Variants in FAM120A observed in about 807,000 individuals in gnomAD.
FAM120A encodes constitutive coactivator of PPAR-gamma-like protein 1.
A neutral mutation model predicts 109.7 loss-of-function variants in FAM120A; 15 were observed. The observed-to-expected ratio is 0.14, with a 90% CI of 0.09 to 0.21. The LOEUF (loss-of-function observed/expected upper bound fraction) is 0.21. Ranked by LOEUF, FAM120A falls within the 10% of genes least tolerant of loss-of-function variation. The pLI is 1.00. For missense variants in FAM120A, 899 were observed against 1,439.3 expected (o/e 0.62, Z 6.07); for synonymous variants, 493 against 572.8 (o/e 0.86, Z 1.99).
At chr9:93,524,867 G>A (rs2131446325) in intron 7 of FAM120A, among the ~76,000 whole-genome samples, 1 of 152,276 alleles carries the variant, frequency 6.6e-6, no homozygotes, top group African/African-American at 2.4e-5. Context: ...TGTGGCCGGT[G>A]CCTGTCTCAG....
At chr9:93,455,536 T>C (rs1857513710) in intron 1 of FAM120A, among the ~76,000 whole-genome samples, 1 of 152,214 alleles carries the variant, frequency 6.6e-6, no homozygotes, top group Non-Finnish European at 1.5e-5. Flanking sequence ...GGAATTGACA[T>C]GAACAATTCA....
Position 93,543,279 on chromosome 9 carries a change from C to T in FAM120A, c.1967C>T (p.Pro656Leu), listed in dbSNP as rs1588899663. 6 of 1,614,180 alleles carry T rather than the reference C, an allele frequency of 3.7e-6. No individual in the cohort carries two copies. The highest frequency in any genetic ancestry group is 1.1e-5 in the South Asian group (1 of 91,078). ...TACAAAGGAAAGTCTCCTCAAACCC[C>T]GGAACTGGTTGAAGCTCTTGCCTTC... ...AAYKGKSPQTPELVEALAFRE... is the reference protein window; with the variant it reads ...AAYKGKSPQTLELVEALAFRE... The change falls in exon 11 of 18, where the codon CCG (proline) becomes CTG (leucine). Residue 656 changes from proline (P) to leucine (L), a missense_variant. Coordinates refer to ENST00000277165, the MANE Select transcript of FAM120A (RefSeq NM_014612.5).
At chr9:93,554,481 T>C (rs1862222968) in intron 12 of FAM120A, among the ~76,000 whole-genome samples, 1 of 152,094 alleles carries the variant, frequency 6.6e-6, no homozygotes, top group Admixed American at 6.5e-5. Flanking sequence ...GAGACCAGCC[T>C]GGCCAACATG....
chr9:93,558,443 A>G lies in FAM120A; in HGVS notation c.2669-138A>G. 12 of 1,061,580 alleles carry G rather than the reference A, an allele frequency of 1.1e-5. 1 individual carries two copies. In the South Asian group the frequency reaches 1.9e-4, roughly 16 times the overall value. The allele number at this position is 1,061,580 out of a possible 1,614,324, so 65.8% of individuals were successfully genotyped here. On this transcript the variant is annotated intron_variant, in intron 14 of 17. Coordinates refer to ENST00000277165, the MANE Select transcript of FAM120A (RefSeq NM_014612.5). ...TCCCCAGGGACCATGGGCACAGGAC[A>G]GTGAGGTGACAAGAGGGGCCAGGAG... is the stretch of plus-strand genomic sequence containing the variant.
chr9:93,477,406 A>G (rs928963132), intron 3 of FAM120A, among the ~76,000 whole-genome samples: 10 of 152,108 alleles, frequency 6.6e-5, no homozygotes, highest in Admixed American at 6.5e-4. Context: ...GGGGTTTGGT[A>G]TGGACTGTTT....
In FAM120A at chr9:93,557,880, C is replaced by G; in HGVS notation, c.2538C>G (p.Leu846=). 6.2e-7 allele frequency: 1 copy of G among 1,613,608 alleles called. No individual in the cohort carries two copies. Among genetic ancestry groups the G allele is most frequent in the Non-Finnish European group, 8.5e-7 (1 of 1,180,042 alleles). Residue 846 remains leucine, a synonymous_variant, in exon 14 of 18, where the codon CTC becomes CTG. Coordinates refer to ENST00000277165, the MANE Select transcript of FAM120A (RefSeq NM_014612.5). ...TGCGCCAGAGCGTCCTCGAGGGGCT[C>G]AGCTTCTCCAGGCAGAGCCACACGC... ...EKMRQSVLEG[L]SFSRQSHTLP...
In FAM120A at chr9:93,478,561, C is replaced by T. The variant is rs550565087; in HGVS notation, c.804+2223C>T. ...GTGAGATCTCGGCTCACTGCAACCTCTGCCTCCAGGGTTCAAGTGATTCTC... is the reference window on the plus strand; with the variant it reads ...GTGAGATCTCGGCTCACTGCAACCTTTGCCTCCAGGGTTCAAGTGATTCTC... On this transcript the variant is annotated intron_variant, in intron 3 of 17. Coordinates refer to ENST00000277165, the MANE Select transcript of FAM120A (RefSeq NM_014612.5). Among the ~76,000 whole-genome samples the T allele has an allele frequency of 2.0e-5, 3 of 151,638 alleles. No individual in the cohort carries two copies. In the East Asian group the frequency reaches 5.8e-4, roughly 29 times the overall value.
intron 15 of FAM120A, 122 bp downstream of exon 15, chr9:93,558,840 C>A: frequency 8.7e-7 from 1 of 1,155,372 alleles, no homozygotes; most frequent in Non-Finnish European, 1.2e-6. Flanking sequence ...GGCCTTTCTT[C>A]TGGGTCCCCG....
intron 7 of FAM120A, among the ~76,000 whole-genome samples, chr9:93,517,295 T>C (rs930447212): frequency 6.6e-6 from 1 of 152,238 alleles, no homozygotes; most frequent in Admixed American, 6.5e-5. Flanking sequence ...TTATTTGCTG[T>C]ATATGCAATG....
rs1409338699 is a variant in FAM120A, at chr9:93,565,086, AG to A, written c.*547del. The A allele has an allele frequency of 6.6e-6, 1 of 152,588 alleles. No individual in the cohort carries two copies. The highest frequency in any genetic ancestry group is 2.4e-5 in the African/African-American group (1 of 41,422). The allele number at this position is 152,588 out of a possible 1,614,324, so 9.5% of individuals were successfully genotyped here. On this transcript the variant is annotated 3_prime_UTR_variant, in exon 18 of 18. Transcript: ENST00000277165. ...TGGTTCTTTTGTGTTAAAAAAAAAA[AG>A]TGCAACTATCAAAACTAAAAAATTA...
chr9:93,520,711 A>T (rs1016981945), intron 7 of FAM120A, among the ~76,000 whole-genome samples: 1 of 152,134 alleles, frequency 6.6e-6, no homozygotes, highest in African/African-American at 2.4e-5. Flanking sequence ...GGTGGAACAG[A>T]TGTGTGTGCC....
At chr9:93,510,122 C>A (rs1180541685) in intron 5 of FAM120A, among the ~76,000 whole-genome samples, 2 of 152,162 alleles carry the variant, frequency 1.3e-5, no homozygotes, top group Non-Finnish European at 2.9e-5. Context: ...CTCATCTTGC[C>A]CTTCTGGTCC....
chr9:93,465,841 T>C (rs748318753), intron 1 of FAM120A, among the ~76,000 whole-genome samples: 8 of 152,242 alleles, frequency 5.3e-5, no homozygotes, highest in Non-Finnish European at 1.2e-4. Flanking sequence ...TCCCCTGTCT[T>C]CTGGGGCAGC....
chr9:93,558,442 C>A, intron 14 of FAM120A, 139 bp from the exon 15 acceptor site: 2 of 1,056,954 alleles, frequency 1.9e-6, no homozygotes, highest in Non-Finnish European at 2.7e-6. Flanking sequence ...GGGCACAGGA[C>A]AGTGAGGTGA....
chr9:93,500,250 A>T lies in FAM120A; in HGVS notation c.1030+1364A>T, dbSNP rs984102607. ...CCCGTCACACTTGGAATAAATTCCC[A>T]ACTACTTACCTTGCTTCCTCCCCAT... On this transcript the variant is annotated intron_variant, in intron 5 of 17. Transcript: ENST00000277165. The surrounding 1 kb of genome is among the most constrained non-coding windows in gnomAD (Gnocchi z 4.6). 6.6e-6 allele frequency among the ~76,000 whole-genome samples: 1 copy of T among 152,236 alleles called. No homozygotes were observed. Among genetic ancestry groups the T allele is most frequent in the African/African-American group, 2.4e-5 (1 of 41,464 alleles).
At position 93,561,258 on chromosome 9, in the gene FAM120A, C is replaced by G; in HGVS notation, c.2948+8C>G. On this transcript the variant is annotated splice_region_variant and intron_variant, in intron 16 of 17. Transcript: ENST00000277165. ...CGGAGGACCAGCTAGAGGGTAAGTT[C>G]TGAGCCACGAAAATGTCTTTTGTAT... is the stretch of plus-strand genomic sequence containing the variant. 1 of 1,600,368 alleles carries G rather than the reference C, an allele frequency of 6.2e-7. No individual in the cohort carries two copies. Among genetic ancestry groups the G allele is most frequent in the Non-Finnish European group, 8.5e-7 (1 of 1,176,026 alleles).
chr9:93,491,855 A>G lies in FAM120A; in HGVS notation c.805-5616A>G, dbSNP rs140799059. Among the ~76,000 whole-genome samples, 37 of 152,268 alleles carry G rather than the reference A, an allele frequency of 2.4e-4. 2 individuals carry two copies. In the East Asian group the frequency reaches 5.6e-3, roughly 23 times the overall value. On this transcript the variant is annotated intron_variant, in intron 3 of 17. Coordinates refer to ENST00000277165, the MANE Select transcript of FAM120A (RefSeq NM_014612.5). ...AGTTTTTGGGCTAAGATTTAAAAAAACTGATTAAAGAAAGCAGAGGAGGAA... is the reference window on the plus strand; with the variant it reads ...AGTTTTTGGGCTAAGATTTAAAAAAGCTGATTAAAGAAAGCAGAGGAGGAA...
chr9:93,553,718 C>T (rs1862184366), intron 12 of FAM120A, among the ~76,000 whole-genome samples: 1 of 152,072 alleles, frequency 6.6e-6, no homozygotes, highest in African/African-American at 2.4e-5. Flanking sequence ...TGGGTTCTCC[C>T]AATTACCAGC....
At chr9:93,531,366 T>TCTCAGGA (rs1861324094) in intron 9 of FAM120A, 2 of 152,224 alleles carry the variant, frequency 1.3e-5, no homozygotes, top group South Asian at 4.1e-4. Flanking sequence ...ATAAATGCAT[T>TCTCAGGA]GTTGTGCTCT....
Sources: allele counts gnomAD v4.1 joint callset (sites outside exome capture counted in the v4.1 genomes callset), GRCh38; gene constraint gnomAD v4.1.1; non-coding constraint Gnocchi (gnomAD v3.1); transcripts MANE v1.5; gene names NCBI Gene and HGNC (gene_info 2026-07-23, HGNC 2026-07-21).